The following SPINT2 variants were observed in gnomAD, a reference collection of about 807,000 sequenced individuals.
SPINT2 encodes kunitz-type protease inhibitor 2.
Under a neutral mutation model 30.1 loss-of-function variants are expected in SPINT2, and 18 were observed. The ratio of observed to expected loss-of-function variants is 0.60; its 90% CI spans 0.41 to 0.89. SPINT2 has a LOEUF of 0.89. SPINT2 is among the 40% of genes least tolerant of loss of function. SPINT2 has a pLI of 0.00. For missense variants in SPINT2, 276 were observed against 334.3 expected (o/e 0.83, Z 1.36); for synonymous variants, 139 against 137.9 (o/e 1.01, Z -0.05).
In SPINT2 at chr19:38,264,801, C is replaced by T; in HGVS notation, c.-92C>T. 1 of 1,344,638 alleles carries T rather than the reference C, an allele frequency of 7.4e-7. No homozygotes were observed. Among genetic ancestry groups the T allele is most frequent in the Non-Finnish European group, 1.0e-6 (1 of 980,746 alleles). The allele number at this position is 1,344,638 out of a possible 1,614,324, so 83.3% of individuals were successfully genotyped here. A position where few individuals can be genotyped will look rare whatever the true frequency, so the allele number is the denominator to read the frequency against. On this transcript the variant is annotated 5_prime_UTR_variant, in exon 1 of 7. Coordinates refer to ENST00000301244, the MANE Select transcript of SPINT2 (RefSeq NM_021102.4). ...CGTCGGCACCTGAACGCGAGGCGCT[C>T]CATTGCGCGTGCGCGTTGAGGGGCT... is the stretch of plus-strand genomic sequence containing the variant.
intron 1 of SPINT2, among the ~76,000 whole-genome samples, chr19:38,275,670 GCCTC>G (rs1019091294): frequency 1.3e-5 from 2 of 151,810 alleles, no homozygotes; most frequent in Non-Finnish European, 2.9e-5. Flanking sequence ...TGATCCTCCT[GCCTC>G]GGCCTCCCAA....
intron 1 of SPINT2, chr19:38,265,203 G>C (rs1039721529): frequency 1.9e-6 from 1 of 533,126 alleles, no homozygotes; most frequent in Non-Finnish European, 3.4e-6. Context: ...GCGGAGGAGC[G>C]AGGGTTAGGA....
At chr19:38,288,212 C>T (rs943108507) in intron 3 of SPINT2, among the ~76,000 whole-genome samples, 1 of 152,112 alleles carries the variant, frequency 6.6e-6, no homozygotes, top group African/African-American at 2.4e-5. Flanking sequence ...TGGCTGCTGC[C>T]CATGAGGCTC....
chr19:38,273,685 A>G (rs959138252), intron 1 of SPINT2, among the ~76,000 whole-genome samples: 2 of 152,188 alleles, frequency 1.3e-5, no homozygotes, highest in Non-Finnish European at 2.9e-5. Context: ...TCTTGTAGCC[A>G]TGCAGGACTT....
In SPINT2 at chr19:38,289,165, A is replaced by G. The variant is rs1968679880; in HGVS notation, c.365A>G (p.His122Arg). ...CCCAGAAGGCAGGATTCTGAAGACC[A>G]CTCCAGCGATATGTTCAACTATGAA... ...SAPRRQDSED[H>R]SSDMFNYEEY... The change falls in exon 4 of 7, where the codon CAC becomes CGC. Residue 122 changes from histidine (H) to arginine (R), a missense_variant. Physicochemically the swap from His to Arg is conservative, Grantham distance 29. Coordinates refer to ENST00000301244, the MANE Select transcript of SPINT2 (RefSeq NM_021102.4). 6.2e-7 allele frequency: 1 copy of G among 1,613,422 alleles called. No individual in the cohort carries two copies. The highest frequency in any genetic ancestry group is 1.7e-5 in the Admixed American group (1 of 59,940).
intron 1 of SPINT2, among the ~76,000 whole-genome samples, chr19:38,271,960 G>C (rs11671065): frequency 2.0e-5 from 3 of 152,290 alleles, no homozygotes; most frequent in East Asian, 1.9e-4. Flanking sequence ...ATGTGATACT[G>C]CTGGGCACAA....
chr19:38,283,160 A>C (rs912875607), intron 1 of SPINT2, among the ~76,000 whole-genome samples: 2 of 151,236 alleles, frequency 1.3e-5, no homozygotes, highest in African/African-American at 4.9e-5. Context: ...AAAAGTTCAG[A>C]AAAAAAAAGC....
intron 1 of SPINT2, among the ~76,000 whole-genome samples, chr19:38,276,641 CAAAA>C (rs943441212): frequency 1.3e-5 from 2 of 151,130 alleles, no homozygotes; most frequent in African/African-American, 4.9e-5. Context: ...GACTCCATCT[CAAAA>C]AAACAAACAA....
chr19:38,271,912 G>A (rs1968461652), intron 1 of SPINT2, among the ~76,000 whole-genome samples: 2 of 152,010 alleles, frequency 1.3e-5, no homozygotes, highest in Admixed American at 6.6e-5. Context: ...CAGGGTCCAT[G>A]GCCTCAGAAG....
intron 2 of SPINT2, 117 bp downstream of exon 2, chr19:38,283,914 T>C (rs1968612161): frequency 1.6e-6 from 2 of 1,243,162 alleles, no homozygotes; most frequent in Non-Finnish European, 2.2e-6. Context: ...CGATCTTGGC[T>C]CACTGCAAGC....
chr19:38,277,613 G>T (rs925631935), intron 1 of SPINT2, among the ~76,000 whole-genome samples: 5 of 152,194 alleles, frequency 3.3e-5, no homozygotes, highest in African/African-American at 1.2e-4. Context: ...ACTGTAGATT[G>T]TTGTCTTAGT....
At chr19:38,277,044 T>A (rs1359322791) in intron 1 of SPINT2, among the ~76,000 whole-genome samples, 1 of 152,076 alleles carries the variant, frequency 6.6e-6, no homozygotes, top group Admixed American at 6.6e-5. Context: ...CCAGGTGATC[T>A]GCCCAGCAGG....
At chr19:38,274,934 C>T (rs778469252) in intron 1 of SPINT2, among the ~76,000 whole-genome samples, 6 of 152,094 alleles carry the variant, frequency 3.9e-5, no homozygotes, top group Admixed American at 3.9e-4. Flanking sequence ...TTCTTGTCCA[C>T]GGAAATGAGG....
intron 1 of SPINT2, 82 bp downstream of exon 1, chr19:38,265,080 T>A: frequency 2.4e-6 from 1 of 413,168 alleles, no homozygotes; most frequent in Non-Finnish European, 3.2e-6. Flanking sequence ...CAGGGAGAAC[T>A]GGCGGGGGAG....
chr19:38,268,766 C>CGCGTGTGTGTGTGTGTGTGTGTGT (rs375982086), intron 1 of SPINT2, among the ~76,000 whole-genome samples: 91 of 149,922 alleles, frequency 6.1e-4, no homozygotes, highest in East Asian at 5.8e-3. Flanking sequence ...TGCGCGCGCG[C>CGCGTGTGTGTGTGTGTGTGTGTGT]GTGTGTGTGT....
At chr19:38,276,962 G>A (rs544245563) in intron 1 of SPINT2, among the ~76,000 whole-genome samples, 7 of 151,874 alleles carry the variant, frequency 4.6e-5, no homozygotes, top group Non-Finnish European at 7.4e-5. Context: ...TACCACACCC[G>A]GCTAATTTTT....
intron 1 of SPINT2, among the ~76,000 whole-genome samples, chr19:38,279,348 A>G (rs1420907406): frequency 6.6e-6 from 1 of 151,838 alleles, no homozygotes; most frequent in African/African-American, 2.4e-5. Flanking sequence ...AAAATACGAA[A>G]TTAGCTGGTG....
intron 1 of SPINT2, among the ~76,000 whole-genome samples, chr19:38,282,441 G>A (rs1968590547): frequency 6.6e-6 from 1 of 152,182 alleles, no homozygotes; most frequent in African/African-American, 2.4e-5. Flanking sequence ...TACAGGAGCA[G>A]ACATGGAGCC....
Position 38,291,970 on chromosome 19 carries a change from CAAG to C in SPINT2, c.724_726del (p.Lys242del). ...GCACCGTCTGGAGCTCCGGAGATGA[CAAG>C]GAGCAGCTGGTGAAGAACACATATG... On this transcript the variant is annotated inframe_deletion, in exon 7 of 7. Transcript: ENST00000301244. The C allele has an allele frequency of 6.2e-7, 1 of 1,614,090 alleles. No homozygotes were observed. Among genetic ancestry groups the C allele is most frequent in the Non-Finnish European group, 8.5e-7 (1 of 1,180,004 alleles).
Sources: allele counts gnomAD v4.1 joint callset (sites outside exome capture counted in the v4.1 genomes callset), GRCh38; gene constraint gnomAD v4.1.1; transcripts MANE v1.5; gene names NCBI Gene and HGNC (gene_info 2026-07-23, HGNC 2026-07-21).